Variants in GPR35 observed in about 807,000 individuals in gnomAD.
GPR35 encodes G protein-coupled receptor 35, also known as KYNA receptor.
For synonymous variants in GPR35, 207 were observed against 198.4 expected, an observed-to-expected ratio of 1.04 and a Z score of -0.36; for missense variants, 372 against 422.5, an observed-to-expected ratio of 0.88 and a Z score of 1.05.
At chr2:240,613,097 G>A (rs56762428) in intron 2 of GPR35, among the ~76,000 whole-genome samples, 87,864 of 151,918 alleles carry the variant, frequency 0.58, 25,651 homozygotes, top group East Asian at 0.66. Context: ...AAGGAGTGAG[G>A]CAGAGCCTGA....
upstream of GPR35, chr2:240,625,400 G>A (rs534970834): frequency 7.4e-5 from 73 of 985,482 alleles, no homozygotes; most frequent in African/African-American, 7.0e-4. Flanking sequence ...ACCTGCTGCC[G>A]TCAGTCAGCC....
At chr2:240,620,177 C>T (rs2043277754) in intron 5 of GPR35, among the ~76,000 whole-genome samples, 2 of 152,074 alleles carry the variant, frequency 1.3e-5, no homozygotes, top group African/African-American at 2.4e-5. Flanking sequence ...CATCTGGCAG[C>T]AGTGGGTCCC....
intron 2 of GPR35, chr2:240,607,585 C>T (rs911724545): frequency 6.6e-6 from 1 of 152,062 alleles, no homozygotes; most frequent in Admixed American, 6.5e-5. Context: ...CTTTGTTTTC[C>T]AATGCTTGTA....
At position 240,610,982 on chromosome 2, in the gene GPR35, G is replaced by A. The variant is rs113735292; in HGVS notation, c.-577+4370G>A. Among the ~76,000 whole-genome samples, 1,176 of 151,976 alleles carry A rather than the reference G, an allele frequency of 7.7e-3. 17 individuals carry two copies. The highest frequency in any genetic ancestry group is 0.027 in the African/African-American group (1,109 of 41,412). Reference sequence around the variant, plus strand: ...AGGTCTCACTGTGTCACCCAGGCTAGTGTGCAGTGGCATGAACTCTGCTCA... The same window carrying A: ...AGGTCTCACTGTGTCACCCAGGCTAATGTGCAGTGGCATGAACTCTGCTCA... On this transcript the variant is annotated intron_variant, in intron 2 of 5. Coordinates refer to the GPR35 transcript ENST00000319838.
At chr2:240,623,344 AG>A (rs1436559475), upstream of GPR35, among the ~76,000 whole-genome samples, 1 of 142,704 alleles carries the variant, frequency 7.0e-6, no homozygotes, top group Non-Finnish European at 1.6e-5. Context: ...ACAGGTCGTG[AG>A]GGCGCAAACA....
chr2:240,623,007 C>T (rs370194205), upstream of GPR35, among the ~76,000 whole-genome samples: 39 of 152,306 alleles, frequency 2.6e-4, no homozygotes, highest in African/African-American at 6.5e-4. Context: ...CTGGGGACTC[C>T]GGGTGTCCTC....
intron 5 of GPR35, among the ~76,000 whole-genome samples, chr2:240,619,500 T>C (rs1451683012): frequency 6.6e-6 from 1 of 152,216 alleles, no homozygotes; most frequent in Non-Finnish European, 1.5e-5. Context: ...AAGGACCCTC[T>C]GCCTCAGTGG....
At chr2:240,615,637 A>G (rs1205701361) in intron 2 of GPR35, among the ~76,000 whole-genome samples, 1 of 152,248 alleles carries the variant, frequency 6.6e-6, no homozygotes, top group African/African-American at 2.4e-5. Flanking sequence ...TAAGTGCCAG[A>G]CATCATATCC....
Position 240,632,827 on chromosome 2 carries a change from G to A in GPR35, c.*1945G>A, listed in dbSNP as rs777884991. 6.6e-6 allele frequency among the ~76,000 whole-genome samples: 1 copy of A among 152,222 alleles called. No homozygotes were observed. The highest frequency in any genetic ancestry group is 1.5e-5 in the Non-Finnish European group (1 of 68,036). ...GTCCAGAAGAGTCCATACCCAGGAG[G>A]GCTGATATGGTTAGGCTTTGTGTCT... On this transcript the variant is annotated 3_prime_UTR_variant, in exon 2 of 2. Coordinates refer to ENST00000407714, the MANE Select transcript of GPR35 (RefSeq NM_005301.5).
chr2:240,631,189 G>A lies in GPR35; in HGVS notation c.*307G>A, dbSNP rs1045952548. 9.2e-6 allele frequency: 4 copies of A among 435,260 alleles called. No homozygotes were observed. Among genetic ancestry groups the A allele is most frequent in the Non-Finnish European group, 1.3e-5 (3 of 231,954 alleles). The allele number at this position is 435,260 out of a possible 1,614,324, so 27.0% of individuals were successfully genotyped here. A position where few individuals can be genotyped will look rare whatever the true frequency, so the allele number is the denominator to read the frequency against. On this transcript the variant is annotated 3_prime_UTR_variant, in exon 2 of 2. Coordinates refer to ENST00000407714, the MANE Select transcript of GPR35 (RefSeq NM_005301.5). ...CCAGAGTGGGTTCCTGCTGGCCAGG[G>A]TGCAGCCTTGATGACACCTGCCGCT...
chr2:240,612,426 CAAAAAA>C (rs5839796), intron 2 of GPR35, among the ~76,000 whole-genome samples: 3 of 76,714 alleles, frequency 3.9e-5, no homozygotes, highest in Non-Finnish European at 5.1e-5. Context: ...GACTCTGTCT[CAAAAAA>C]AAAAAAAAAA....
At chr2:240,606,034 G>A (rs141860591) in intron 1 of GPR35, among the ~76,000 whole-genome samples, 1 of 152,246 alleles carries the variant, frequency 6.6e-6, no homozygotes, top group African/African-American at 2.4e-5. Context: ...CAGGGCTCTG[G>A]CCATAGCTTG....
Position 240,632,676 on chromosome 2 carries a change from A to T in GPR35, c.*1794A>T, listed in dbSNP as rs1309775704. Among the ~76,000 whole-genome samples the T allele has an allele frequency of 6.7e-6, 1 of 149,236 alleles. No homozygotes were observed. The highest frequency in any genetic ancestry group is 2.1e-4 in the South Asian group (1 of 4,698). ...CCCATGCCCATGAGGGTCCATGCCC[A>T]GTAAGGGCCATGCCCATGAGATCCT... On this transcript the variant is annotated 3_prime_UTR_variant, in exon 2 of 2. Coordinates refer to ENST00000407714, the MANE Select transcript of GPR35 (RefSeq NM_005301.5).
intron 2 of GPR35, among the ~76,000 whole-genome samples, chr2:240,606,922 G>A (rs551284541): frequency 7.9e-4 from 120 of 152,292 alleles, no homozygotes; most frequent in African/African-American, 2.0e-3. Context: ...ATCTTTCTCT[G>A]GCTGAAGTCT....
intron 1 of GPR35, among the ~76,000 whole-genome samples, chr2:240,605,762 C>CT (rs1423013728): frequency 6.6e-6 from 1 of 152,172 alleles, no homozygotes; most frequent in African/African-American, 2.4e-5. Context: ...TTTGGTTTTG[C>CT]TTTTTTTGTT....
Position 240,630,335 on chromosome 2 carries a change from G to A in GPR35, c.383G>A (p.Arg128Gln), listed in dbSNP as rs571684731. 1.2e-5 allele frequency: 19 copies of A among 1,596,974 alleles called. No homozygotes were observed. The highest frequency in any genetic ancestry group is 3.3e-5 in the South Asian group (3 of 90,756). Residue 128 changes from arginine to glutamine, a missense_variant, in exon 2 of 2, where the codon CGG becomes CAG. Coordinates refer to ENST00000407714, the MANE Select transcript of GPR35 (RefSeq NM_005301.5). ...CACCCGCTGCGTGCCCGCGGGCTGC[G>A]GTCCCCCAGGCAGGCTGCGGCCGTG... ...VRHPLRARGLRSPRQAAAVCA... is the reference protein window; with the variant it reads ...VRHPLRARGLQSPRQAAAVCA...
At chr2:240,621,324 G>A (rs1169655850), upstream of GPR35, among the ~76,000 whole-genome samples, 3 of 151,930 alleles carry the variant, frequency 2.0e-5, no homozygotes, top group Admixed American at 1.3e-4. Context: ...GCGTGATCTC[G>A]GCTCACCACA....
chr2:240,625,424 C>T, upstream of GPR35: 4 of 985,448 alleles, frequency 4.1e-6, no homozygotes, highest in Non-Finnish European at 4.8e-6. Flanking sequence ...CGCCCCCCCA[C>T]CTTAAGGAGG....
rs572775540 is a variant in GPR35, at chr2:240,618,593, G to T, written c.-148-295G>T. On this transcript the variant is annotated intron_variant, in intron 4 of 5. Coordinates refer to the GPR35 transcript ENST00000319838. ...TTACAAGTTAATTTAATTAAATTAA[G>T]TAATTACACAAACATTTGACATGAG... Among the ~76,000 whole-genome samples the T allele has an allele frequency of 7.2e-5, 11 of 152,302 alleles. No homozygotes were observed. In the East Asian group the frequency reaches 2.1e-3, roughly 29 times the overall value.
Sources: allele counts gnomAD v4.1 joint callset (sites outside exome capture counted in the v4.1 genomes callset), GRCh38; gene constraint gnomAD v4.1.1; transcripts MANE v1.5; gene names NCBI Gene and HGNC (gene_info 2026-07-23, HGNC 2026-07-21).